Variants in LRRC49 observed in about 807,000 individuals in gnomAD.
LRRC49 encodes the protein leucine-rich repeat-containing protein 49.
In LRRC49, 50 loss-of-function variants were observed where a neutral mutation model predicts 83.3. The ratio of observed to expected loss-of-function variants is 0.60; its 90% CI spans 0.48 to 0.76. The LOEUF is 0.76. Ranked by LOEUF, LRRC49 falls within the 30% of genes least tolerant of loss-of-function variation. The probability of loss-of-function intolerance (pLI) is 0.00; values close to 1 mark genes in which losing one functional copy is unlikely to be tolerated. For missense variants in LRRC49, 704 were observed against 809.1 expected, an observed-to-expected ratio of 0.87 and a Z score of 1.58; for synonymous variants, 286 against 283.3, an observed-to-expected ratio of 1.01 and a Z score of -0.10.
At chr15:70,998,495 A>G (rs970642097) in intron 11 of LRRC49, among the ~76,000 whole-genome samples, 1 of 151,930 alleles carries the variant, frequency 6.6e-6, no homozygotes, top group Admixed American at 6.5e-5. Flanking sequence ...CACTTTAAAT[A>G]TATCATCCAC....
At chr15:71,046,257 A>C (rs1012214633) in intron 15 of LRRC49, among the ~76,000 whole-genome samples, 48 of 152,230 alleles carry the variant, frequency 3.2e-4, no homozygotes, top group African/African-American at 1.1e-3. Context: ...GTTTTAAGTT[A>C]TTTAAGAAAT....
intron 1 of LRRC49, among the ~76,000 whole-genome samples, chr15:70,869,680 C>T (rs1489481001): frequency 6.6e-6 from 1 of 152,162 alleles, no homozygotes; most frequent in African/African-American, 2.4e-5. Context: ...AGCCCACCCA[C>T]ACAGGCACAA....
At position 70,980,186 on chromosome 15, in the gene LRRC49, T is replaced by C. The variant is rs1220771274; in HGVS notation, c.1005+2T>C. On this transcript the variant is annotated splice_donor_variant, in intron 10 of 15. Coordinates refer to ENST00000260382, the MANE Select transcript of LRRC49 (RefSeq NM_017691.5). LOFTEE classifies it high-confidence loss of function. Reference sequence around the variant, plus strand: ...AGTCATAAACAATCTTTGCTTAAGGTATTTTCTCTGATGTCTACATGGATG... The same window carrying C: ...AGTCATAAACAATCTTTGCTTAAGGCATTTTCTCTGATGTCTACATGGATG... 5 of 1,608,090 alleles carry C rather than the reference T, an allele frequency of 3.1e-6. No homozygotes were observed. Among genetic ancestry groups the C allele is most frequent in the Non-Finnish European group, 4.3e-6 (5 of 1,176,196 alleles).
At position 70,919,190 on chromosome 15, in the gene LRRC49, C is replaced by A; in HGVS notation, c.708C>A (p.Phe236Leu). 1 of 1,608,868 alleles carries A rather than the reference C, an allele frequency of 6.2e-7. No homozygotes were observed. The highest frequency in any genetic ancestry group is 1.1e-5 in the South Asian group (1 of 89,664). Reference sequence around the variant, plus strand: ...ACTTGCGACACAATCAAATCACTTTCGTGGTGAGTATTAAAATGGAGTTGA... The same window carrying A: ...ACTTGCGACACAATCAAATCACTTTAGTGGTGAGTATTAAAATGGAGTTGA... ...ELNLRHNQIT[F>L]VRDVDNLPCL... Residue 236 changes from phenylalanine to leucine, a missense_variant, in exon 7 of 16, where the codon TTC becomes TTA. By Grantham distance (22) the Phe-to-Leu change is conservative. Around this residue, in one of 3 missense-constraint regions of LRRC49, gnomAD observed 261 missense variants for 330.5 expected, o/e 0.79. Transcript: ENST00000260382.
intron 9 of LRRC49, among the ~76,000 whole-genome samples, chr15:70,979,061 G>A (rs929880448): frequency 4.6e-5 from 7 of 151,902 alleles, no homozygotes; most frequent in African/African-American, 7.3e-5. Context: ...TCAAATTATC[G>A]TATTATTTTG....
chr15:70,946,239 C>T (rs533436197), intron 8 of LRRC49, among the ~76,000 whole-genome samples: 1 of 152,214 alleles, frequency 6.6e-6, no homozygotes, highest in Non-Finnish European at 1.5e-5. Flanking sequence ...CAACATCTCC[C>T]CAATCACCCT....
In LRRC49 at chr15:70,911,519, T is replaced by C. The variant is rs775799730; in HGVS notation, c.501-13T>C. 4.1e-6 allele frequency: 6 copies of C among 1,472,106 alleles called. No homozygotes were observed. Among genetic ancestry groups the C allele is most frequent in the Non-Finnish European group, 4.7e-6 (5 of 1,063,774 alleles). 91.2% of individuals were successfully genotyped at this position (1,472,106 alleles called of 1,614,324 possible). A position where few individuals can be genotyped will look rare whatever the true frequency, so the allele number is the denominator to read the frequency against. On this transcript the variant is annotated splice_polypyrimidine_tract_variant and intron_variant, in intron 5 of 15. Coordinates refer to ENST00000260382, the MANE Select transcript of LRRC49 (RefSeq NM_017691.5). ...TACATCCGTATTTCTATTCTACTTA[T>C]TCTGGTTTTCAGAATCAAGAAAATC...
intron 13 of LRRC49, among the ~76,000 whole-genome samples, chr15:71,011,502 A>G (rs2038649731): frequency 6.6e-6 from 1 of 152,170 alleles, no homozygotes; most frequent in Admixed American, 6.6e-5. Context: ...GAAAATCTCA[A>G]TGCCAGGGAT....
chr15:70,907,299 T>A (rs972802298), intron 5 of LRRC49, among the ~76,000 whole-genome samples: 2 of 152,210 alleles, frequency 1.3e-5, no homozygotes, highest in Non-Finnish European at 2.9e-5. Context: ...GAACCATATA[T>A]GGAAATCCAG....
chr15:70,963,825 T>G lies in LRRC49; in HGVS notation c.814T>G (p.Ser272Ala). The G allele has an allele frequency of 6.2e-7, 1 of 1,613,644 alleles. No homozygotes were observed. Among genetic ancestry groups the G allele is most frequent in the Non-Finnish European group, 8.5e-7 (1 of 1,179,672 alleles). ...CTGCCTTGCTGACTCTTCTTCCCTC[T>G]CGGACATCACCTTTGATGGCAATCC... ...VSCLADSSSL[S>A]DITFDGNPIA... Residue 272 changes from serine (S) to alanine (A), a missense_variant, in exon 9 of 16, where the codon TCG becomes GCG. By Grantham distance (99) the Ser-to-Ala change is moderately conservative (BLOSUM62 1). Coordinates refer to ENST00000260382, the MANE Select transcript of LRRC49 (RefSeq NM_017691.5).
chr15:70,871,458 G>A (rs549296780), intron 1 of LRRC49, among the ~76,000 whole-genome samples: 2 of 152,244 alleles, frequency 1.3e-5, no homozygotes. Flanking sequence ...CTCTCAATGA[G>A]CTGTTGGGCA....
intron 11 of LRRC49, among the ~76,000 whole-genome samples, chr15:71,003,469 G>C (rs2038338510): frequency 6.6e-6 from 1 of 152,140 alleles, no homozygotes; most frequent in African/African-American, 2.4e-5. Context: ...ATTTAGACTA[G>C]ACAGAGGTAG....
intron 14 of LRRC49, among the ~76,000 whole-genome samples, chr15:71,033,518 A>G (rs1326825098): frequency 6.6e-6 from 1 of 152,194 alleles, no homozygotes; most frequent in Non-Finnish European, 1.5e-5. Context: ...GACATTCTTC[A>G]CAGAATTAGA....
intron 2 of LRRC49, among the ~76,000 whole-genome samples, chr15:70,881,045 G>A (rs1049682264): frequency 6.6e-6 from 1 of 152,148 alleles, no homozygotes; most frequent in Non-Finnish European, 1.5e-5. Context: ...GCAATGTAGT[G>A]AGACCCCATC....
chr15:70,919,698 G>A (rs2034935257), intron 7 of LRRC49, among the ~76,000 whole-genome samples: 1 of 152,200 alleles, frequency 6.6e-6, no homozygotes, highest in South Asian at 2.1e-4. Context: ...CTCATTAGCT[G>A]TGTGACCTTG....
Position 70,882,478 on chromosome 15 carries a change from T to TC in LRRC49, c.18+9255_18+9256insC. The TC allele has an allele frequency of 2.5e-6, 4 of 1,613,066 alleles. No homozygotes were observed. The African/African-American group carries it at 5.3e-5, about 21-fold the overall frequency. On this transcript the variant is annotated intron_variant, in intron 2 of 16. Coordinates refer to the LRRC49 transcript ENST00000544974. The stretch of plus-strand genomic sequence containing the variant: ...TTTAACATGTTTCTTCTTTCACCTG[T>TC]ACAGCCATATAAGACAAATCACTCT...
At chr15:70,940,310 G>T (rs944604843) in intron 8 of LRRC49, among the ~76,000 whole-genome samples, 3 of 141,624 alleles carry the variant, frequency 2.1e-5, no homozygotes, top group African/African-American at 7.8e-5. Flanking sequence ...AGGCTGGAGC[G>T]CAGTAGCGCA....
At chr15:70,893,015 T>C (rs1595987420) in intron 1 of LRRC49, 73 bp downstream of exon 1, 2 of 1,529,284 alleles carry the variant, frequency 1.3e-6, no homozygotes, top group Middle Eastern at 1.7e-4. Flanking sequence ...TCCTAGGAGA[T>C]GGGCTGTATT....
intron 7 of LRRC49, among the ~76,000 whole-genome samples, chr15:70,921,973 A>G (rs985478254): frequency 1.1e-4 from 16 of 152,320 alleles, no homozygotes; most frequent in African/African-American, 3.8e-4. Context: ...TTTGTATGGC[A>G]TCTTTCTCTT....
Sources: gnomAD v4.1 joint callset for allele counts (sites outside exome capture counted in the v4.1 genomes callset) on GRCh38, gnomAD v4.1.1 for gene constraint, gnomAD v4.1.1 regional missense constraint, MANE v1.5 for transcripts, NCBI Gene and HGNC (gene_info 2026-07-23, HGNC 2026-07-21) for gene names.